Variants in ZNF385D observed in about 807,000 individuals in gnomAD.
ZNF385D encodes zinc finger protein 385D, also known as zinc finger protein 659.
A neutral mutation model predicts 35.8 loss-of-function variants in ZNF385D; 15 were observed. The observed-to-expected ratio is 0.42, with a 90% CI of 0.28 to 0.64. The LOEUF (loss-of-function observed/expected upper bound fraction) is 0.64, where lower values mean the gene tolerates loss of function less well. ZNF385D is among the 30% of genes least tolerant of loss of function. The pLI, the probability that ZNF385D is intolerant of heterozygous loss-of-function variation, is 0.23. For missense variants in ZNF385D, 474 were observed against 494.6 expected, an observed-to-expected ratio of 0.96 and a Z score of 0.39; for synonymous variants, 212 against 186.8, an observed-to-expected ratio of 1.13 and a Z score of -1.10.
chr3:22,219,226 G>A (rs748504547), intron 2 of ZNF385D, among the ~76,000 whole-genome samples: 16 of 151,934 alleles, frequency 1.1e-4, no homozygotes, highest in Non-Finnish European at 8.8e-5. Context: ...TAAAAATTCC[G>A]TTTTCAGTGC....
chr3:21,928,143 C>G (rs1700826959), intron 3 of ZNF385D, among the ~76,000 whole-genome samples: 1 of 151,936 alleles, frequency 6.6e-6, no homozygotes. Context: ...GCCAGGTGTT[C>G]ACAGTTGTAG....
intron 2 of ZNF385D, among the ~76,000 whole-genome samples, chr3:22,323,955 C>A (rs1481382631): frequency 6.6e-6 from 1 of 152,106 alleles, no homozygotes; most frequent in Non-Finnish European, 1.5e-5. Flanking sequence ...ACAACATGAG[C>A]TCAATTTATT....
chr3:22,024,781 G>A lies in ZNF385D; in HGVS notation c.325+144036C>T, dbSNP rs113038952. 9.0e-3 allele frequency among the ~76,000 whole-genome samples: 1,363 copies of A among 152,152 alleles called. 21 individuals are homozygous for A. Among genetic ancestry groups the A allele is most frequent in the African/African-American group, 0.029 (1,204 of 41,508 alleles). On this transcript the variant is annotated intron_variant, in intron 3 of 5. Transcript: ENST00000494108. Reference sequence around the variant, plus strand: ...TCTGTGGAGAACCAAGGAACGTAACGAAGCTGGATGGTTGCTCCTAAGTTC... The same window carrying A: ...TCTGTGGAGAACCAAGGAACGTAACAAAGCTGGATGGTTGCTCCTAAGTTC...
At chr3:22,234,683 A>G (rs1559469620) in intron 2 of ZNF385D, among the ~76,000 whole-genome samples, 1 of 152,058 alleles carries the variant, frequency 6.6e-6, no homozygotes, top group Non-Finnish European at 1.5e-5. Flanking sequence ...TTTCATTTAT[A>G]CAAAATATTT....
intron 2 of ZNF385D, among the ~76,000 whole-genome samples, chr3:21,632,821 A>G (rs2065319675): frequency 6.6e-6 from 1 of 152,134 alleles, no homozygotes; most frequent in Non-Finnish European, 1.5e-5. Context: ...ATCAAGTTAC[A>G]TTGTCATCAA....
chr3:22,089,941 C>A (rs545809150), intron 3 of ZNF385D, among the ~76,000 whole-genome samples: 1 of 152,070 alleles, frequency 6.6e-6, no homozygotes, highest in African/African-American at 2.4e-5. Context: ...TGGGTTCAAG[C>A]GATTCCCCTG....
In ZNF385D at chr3:21,412,847, T is replaced by C. The variant is rs941688829; in HGVS notation, c.*8367A>G. 4 of 152,080 alleles carry C rather than the reference T, an allele frequency of 2.6e-5. No individual in the cohort carries two copies. The highest frequency in any genetic ancestry group is 2.6e-4 in the Admixed American group (4 of 15,264). 9.4% of individuals were successfully genotyped at this position (152,080 alleles called of 1,614,324 possible). On this transcript the variant is annotated 3_prime_UTR_variant, in exon 8 of 8. Transcript: ENST00000281523. ...AAGATAAACTGTGCTATATTTTACA[T>C]TTCTGAGTCAATAATATTGGAAGCA...
At chr3:21,531,532 A>C (rs2061921934) in intron 3 of ZNF385D, among the ~76,000 whole-genome samples, 1 of 152,216 alleles carries the variant, frequency 6.6e-6, no homozygotes. Flanking sequence ...ATTTGAATAG[A>C]GAAACAAACT....
intron 2 of ZNF385D, among the ~76,000 whole-genome samples, chr3:22,265,819 G>A (rs1358859256): frequency 2.0e-5 from 3 of 151,932 alleles, no homozygotes; most frequent in African/African-American, 7.2e-5. Flanking sequence ...TTTAGGCCTG[G>A]TGTGGTAGGT....
At chr3:22,202,881 T>G (rs1421490529) in intron 2 of ZNF385D, among the ~76,000 whole-genome samples, 1 of 152,104 alleles carries the variant, frequency 6.6e-6, no homozygotes, top group Non-Finnish European at 1.5e-5. Flanking sequence ...ATTCCATTGG[T>G]TGAAACTTGA....
At chr3:22,194,696 T>C (rs1696288628) in intron 2 of ZNF385D, among the ~76,000 whole-genome samples, 1 of 151,922 alleles carries the variant, frequency 6.6e-6, no homozygotes, top group Non-Finnish European at 1.5e-5. Context: ...CAATTACTAA[T>C]CTGTTCTATG....
At chr3:21,969,801 TG>T (rs34415815) in intron 3 of ZNF385D, among the ~76,000 whole-genome samples, 104,615 of 152,020 alleles carry the variant, frequency 0.69, 37,089 homozygotes, top group African/African-American at 0.84. Context: ...CCAGTGGTGG[TG>T]GGTGGCTTCA....
intron 2 of ZNF385D, among the ~76,000 whole-genome samples, chr3:22,319,325 CATGA>C (rs771345494): frequency 7.2e-4 from 109 of 151,818 alleles, no homozygotes; most frequent in Non-Finnish European, 1.3e-3. Flanking sequence ...CAAGAAATAA[CATGA>C]ATAATATGTA....
chr3:22,353,814 G>C (rs990324590), intron 2 of ZNF385D, among the ~76,000 whole-genome samples: 4 of 152,058 alleles, frequency 2.6e-5, no homozygotes, highest in African/African-American at 9.7e-5. Context: ...GAGCAAATGA[G>C]TGTATCTTTT....
At chr3:22,301,907 T>C (rs1231724654) in intron 2 of ZNF385D, among the ~76,000 whole-genome samples, 1 of 152,132 alleles carries the variant, frequency 6.6e-6, no homozygotes, top group Non-Finnish European at 1.5e-5. Flanking sequence ...TAGTATATTG[T>C]GGTTTGAAAT....
chr3:21,614,882 C>T (rs758311795), intron 2 of ZNF385D, among the ~76,000 whole-genome samples: 1 of 152,142 alleles, frequency 6.6e-6, no homozygotes, highest in African/African-American at 2.4e-5. Context: ...CCATCGTGCC[C>T]GGCCCCTGAA....
At chr3:22,136,937 T>A (rs923989324) in intron 3 of ZNF385D, among the ~76,000 whole-genome samples, 2 of 152,062 alleles carry the variant, frequency 1.3e-5, no homozygotes, top group Admixed American at 6.6e-5. Flanking sequence ...AATAGAGGGA[T>A]GATTAGATAG....
chr3:21,463,556 GCT>G (rs1703320070), intron 4 of ZNF385D, among the ~76,000 whole-genome samples: 1 of 152,122 alleles, frequency 6.6e-6, no homozygotes, highest in South Asian at 2.1e-4. Context: ...GGAGTGAGGA[GCT>G]GTGAAGCCCC....
intron 3 of ZNF385D, among the ~76,000 whole-genome samples, chr3:22,127,619 C>T (rs963731587): frequency 1.3e-5 from 2 of 151,944 alleles, no homozygotes; most frequent in Non-Finnish European, 2.9e-5. Context: ...GGATTACAGG[C>T]GTGAGCCACC....
Sources: gnomAD v4.1 joint callset for allele counts (sites outside exome capture counted in the v4.1 genomes callset) on GRCh38, gnomAD v4.1.1 for gene constraint, MANE v1.5 for transcripts, NCBI Gene and HGNC (gene_info 2026-07-23, HGNC 2026-07-21) for gene names.